The following FMNL3 variants were observed in gnomAD, a reference collection of about 807,000 sequenced individuals.
FMNL3 encodes formin-like protein 3.
In FMNL3, 57 loss-of-function variants were observed where a neutral mutation model predicts 119.6. The ratio of observed to expected loss-of-function variants is 0.48; its 90% CI spans 0.39 to 0.59. The LOEUF is 0.59. Among genes scored for constraint, FMNL3 ranks in the 20% least tolerant of loss-of-function variants. The probability of loss-of-function intolerance (pLI) is 0.00; values close to 1 mark genes in which losing one functional copy is unlikely to be tolerated. For synonymous variants in FMNL3, 491 were observed against 507.3 expected, an observed-to-expected ratio of 0.97 and a Z score of 0.43; for missense variants, 1,053 against 1,323.5, an observed-to-expected ratio of 0.80 and a Z score of 3.17.
chr12:49,654,767 G>T, intron 10 of FMNL3, 143 bp downstream of exon 10: 1 of 770,206 alleles, frequency 1.3e-6, no homozygotes, highest in Non-Finnish European at 2.1e-6. Context: ...GGGGTAGGCA[G>T]GTGGACAAGA....
At position 49,642,563 on chromosome 12, in the gene FMNL3, T is replaced by C; in HGVS notation, c.*3252A>G. On this transcript the variant is annotated 3_prime_UTR_variant, in exon 26 of 26. Transcript: ENST00000335154. This position sits in a 1 kb window ranked among gnomAD's most constrained non-coding sequence, Gnocchi z 5.8. ...GAGTGGGGCCTAGTCTGATCAGCAG[T>C]GCTCTCCTCGTTCAAGGTCCGTGAG... The C allele has an allele frequency of 6.2e-7, 1 of 1,613,948 alleles. No homozygotes were observed. Among genetic ancestry groups the C allele is most frequent in the Non-Finnish European group, 8.5e-7 (1 of 1,179,800 alleles).
chr12:49,636,588 G>C lies in FMNL3; in HGVS notation c.*9227C>G. 1 of 1,305,516 alleles carries C rather than the reference G, an allele frequency of 7.7e-7. No homozygotes were observed. Among genetic ancestry groups the C allele is most frequent in the Non-Finnish European group, 1.1e-6 (1 of 934,066 alleles). The allele number at this position is 1,305,516 out of a possible 1,614,324, so 80.9% of individuals were successfully genotyped here. A position where few individuals can be genotyped will look rare whatever the true frequency, so the allele number is the denominator to read the frequency against. Reference sequence around the variant, plus strand: ...GCTGCTCCCACAGAGCCCCCTCCAGGCCCTTCCCCCACCACCCTGGGTATC... The same window carrying C: ...GCTGCTCCCACAGAGCCCCCTCCAGCCCCTTCCCCCACCACCCTGGGTATC... On this transcript the variant is annotated 3_prime_UTR_variant, in exon 26 of 26. Coordinates refer to ENST00000335154, the MANE Select transcript of FMNL3 (RefSeq NM_175736.5).
chr12:49,697,178 G>T (rs1293994347), intron 1 of FMNL3, among the ~76,000 whole-genome samples: 3 of 152,178 alleles, frequency 2.0e-5, no homozygotes, highest in Admixed American at 6.5e-5. Flanking sequence ...TGACCAGGGG[G>T]TGAGTGTAGT....
intron 1 of FMNL3, among the ~76,000 whole-genome samples, chr12:49,704,264 A>G (rs1035654535): frequency 6.6e-6 from 1 of 152,214 alleles, no homozygotes; most frequent in African/African-American, 2.4e-5. Flanking sequence ...TTCAAAGTCC[A>G]TAAGCTTAAC....
rs2138839902 is a variant in FMNL3 at position 49,664,480 on chromosome 12, A to AG, written c.368+1351dup. ...GACCTATGGAGGAATGCGGAGTGGT[A>AG]GGGGGCTCAGGGTGGCAGGTAGCAC... is the stretch of plus-strand genomic sequence containing the variant. On this transcript the variant is annotated intron_variant, in intron 4 of 25. Coordinates refer to ENST00000335154, the MANE Select transcript of FMNL3 (RefSeq NM_175736.5). Among the ~76,000 whole-genome samples the AG allele has an allele frequency of 2.0e-5, 3 of 152,222 alleles. 1 individual carries two copies. In the South Asian group the frequency reaches 6.2e-4, roughly 32 times the overall value.
At position 49,644,336 on chromosome 12, in the gene FMNL3, A is replaced by G; in HGVS notation, c.*1479T>C. On this transcript the variant is annotated 3_prime_UTR_variant, in exon 26 of 26. Transcript: ENST00000335154. ...CCACCCCCAGCACACCATTGTTGGC[A>G]CCTCTCAAGGTTGCTCTTGGTGTTC... 1.1e-6 allele frequency: 1 copy of G among 928,618 alleles called. No homozygotes were observed. Among genetic ancestry groups the G allele is most frequent in the East Asian group, 2.6e-5 (1 of 37,824 alleles). 57.5% of individuals were successfully genotyped at this position (928,618 alleles called of 1,614,324 possible).
Position 49,642,449 on chromosome 12 carries a change from G to A in FMNL3, c.*3366C>T. 6.3e-7 allele frequency: 1 copy of A among 1,581,590 alleles called. No homozygotes were observed. The highest frequency in any genetic ancestry group is 8.7e-7 in the Non-Finnish European group (1 of 1,153,264). On this transcript the variant is annotated 3_prime_UTR_variant, in exon 26 of 26. Transcript: ENST00000335154. This position sits in a 1 kb window ranked among gnomAD's most constrained non-coding sequence, Gnocchi z 5.8. ...GCTTCACCACTGAGGGCCCACCCCA[G>A]TCACGTCACAGCCCTGGGCCAGCTC... is the stretch of plus-strand genomic sequence containing the variant.
intron 6 of FMNL3, 30 bp from the exon 7 acceptor site, chr12:49,657,220 G>C: frequency 2.6e-6 from 4 of 1,537,974 alleles, no homozygotes; most frequent in Non-Finnish European, 2.7e-6. Flanking sequence ...AGTCAGGTGG[G>C]AGCTGAGGCT....
chr12:49,690,548 A>C (rs2138998625), intron 1 of FMNL3, among the ~76,000 whole-genome samples: 1 of 152,340 alleles, frequency 6.6e-6, no homozygotes. Context: ...GCACGTAGTA[A>C]ATTTAAAACA....
intron 1 of FMNL3, among the ~76,000 whole-genome samples, chr12:49,701,774 A>G (rs1172737733): frequency 6.6e-6 from 1 of 152,110 alleles, no homozygotes; most frequent in Non-Finnish European, 1.5e-5. Flanking sequence ...AAACACAAAA[A>G]TTAGCCAGGC....
intron 1 of FMNL3, among the ~76,000 whole-genome samples, chr12:49,669,052 C>G (rs894904888): frequency 1.5e-5 from 2 of 132,552 alleles, no homozygotes; most frequent in African/African-American, 6.8e-5. Flanking sequence ...CCTACAACAT[C>G]CATTCCCATG....
chr12:49,679,519 C>CTTTTTTTT (rs551320921), intron 1 of FMNL3, among the ~76,000 whole-genome samples: 20 of 90,636 alleles, frequency 2.2e-4, no homozygotes, highest in Non-Finnish European at 3.5e-4. Flanking sequence ...GCATTTGTGT[C>CTTTTTTTT]TTTTTTTTTT....
intron 1 of FMNL3, among the ~76,000 whole-genome samples, chr12:49,701,678 T>G (rs1466407174): frequency 6.6e-6 from 1 of 152,130 alleles, no homozygotes; most frequent in East Asian, 1.9e-4. Context: ...TCCCAGCACT[T>G]TGGGAGGCCG....
At position 49,641,953 on chromosome 12, in the gene FMNL3, G is replaced by A. The variant is rs957897204; in HGVS notation, c.*3862C>T. 4.3e-6 allele frequency: 7 copies of A among 1,613,736 alleles called. No homozygotes were observed. The highest frequency in any genetic ancestry group is 1.3e-5 in the African/African-American group (1 of 74,910). On this transcript the variant is annotated 3_prime_UTR_variant, in exon 26 of 26. Coordinates refer to ENST00000335154, the MANE Select transcript of FMNL3 (RefSeq NM_175736.5). ...GGTGAACACGGCCTTTGAGGACTTCGCCCACGTCATAAGCTTTGACAAGAG... is the reference window on the plus strand; with the variant it reads ...GGTGAACACGGCCTTTGAGGACTTCACCCACGTCATAAGCTTTGACAAGAG...
In FMNL3 at chr12:49,646,926, A is replaced by C. The variant is rs1308988826; in HGVS notation, c.2955T>G (p.Val985=). 1 of 1,614,022 alleles carries C rather than the reference A, an allele frequency of 6.2e-7. No homozygotes were observed. The highest frequency in any genetic ancestry group is 1.7e-5 in the Admixed American group (1 of 60,016). Residue 985 remains valine (V), a synonymous_variant, in exon 25 of 26, where the codon GTT becomes GTG. Coordinates refer to ENST00000335154, the MANE Select transcript of FMNL3 (RefSeq NM_175736.5). ...CGATGGTACCATCCTTCCCCTCATA[A>C]ACAGGCCGGTGTTCCTTGGCCTGGC... ...RRRQAKEHRP[V]YEGKDGTIED...
chr12:49,657,185 C>T lies in FMNL3; in HGVS notation c.611G>A (p.Ser204Asn). 1.2e-6 allele frequency: 2 copies of T among 1,613,710 alleles called. No homozygotes were observed. The highest frequency in any genetic ancestry group is 2.2e-5 in the East Asian group (1 of 44,878). ...CAGGGCCCTGCGCCCAGGGAGAGTG[C>T]TATACCTGGGGAGATGGGCCAGGCA... ...RSARQSVLRY[S>N]TLPGRRALKN... is the part of the protein sequence containing the mutation. Residue 204 changes from serine (S) to asparagine (N), a missense_variant, in exon 7 of 26, where the codon AGC becomes AAC. This residue lies in a region of FMNL3 where 264 missense variants were observed against 265.5 expected (regional missense o/e 0.99). Coordinates refer to ENST00000335154, the MANE Select transcript of FMNL3 (RefSeq NM_175736.5).
chr12:49,697,350 C>T (rs1169288570), intron 1 of FMNL3, among the ~76,000 whole-genome samples: 1 of 152,190 alleles, frequency 6.6e-6, no homozygotes, highest in African/African-American at 2.4e-5. Flanking sequence ...CACACCATGG[C>T]TCTGTCTTCC....
At chr12:49,687,586 C>T (rs1944499688) in intron 1 of FMNL3, among the ~76,000 whole-genome samples, 2 of 152,154 alleles carry the variant, frequency 1.3e-5, no homozygotes, top group Non-Finnish European at 2.9e-5. Flanking sequence ...TGCTACTTAA[C>T]ACTATATTAT....
At chr12:49,652,532 C>T (rs73305075) in intron 13 of FMNL3, among the ~76,000 whole-genome samples, 3 of 152,354 alleles carry the variant, frequency 2.0e-5, no homozygotes, top group Admixed American at 6.5e-5. Context: ...ACCGGTCTGA[C>T]ATAGCGGCTC....
Sources: allele counts gnomAD v4.1 joint callset (sites outside exome capture counted in the v4.1 genomes callset), GRCh38; gene constraint gnomAD v4.1.1; regional missense constraint gnomAD v4.1.1; non-coding constraint Gnocchi (gnomAD v3.1); transcripts MANE v1.5; gene names NCBI Gene and HGNC (gene_info 2026-07-23, HGNC 2026-07-21).